Variants in KIAA1217 observed in about 807,000 individuals in gnomAD.
KIAA1217 encodes KIAA1217, also known as sickle tail protein homolog.
KIAA1217 carries 88 observed loss-of-function variants against 163.9 expected under a neutral mutation model. The observed-to-expected ratio is 0.54, with a 90% CI of 0.45 to 0.64. The LOEUF (loss-of-function observed/expected upper bound fraction) is 0.64. KIAA1217 is among the 30% of genes least tolerant of loss of function. The probability of loss-of-function intolerance (pLI) is 0.00; values close to 1 mark genes in which losing one functional copy is unlikely to be tolerated. For synonymous variants in KIAA1217, 903 were observed against 923.1 expected (o/e 0.98, Z 0.39); for missense variants, 2,372 against 2,475.0 (o/e 0.96, Z 0.88).
At chr10:24,487,654 T>C (rs2065584438) in intron 6 of KIAA1217, among the ~76,000 whole-genome samples, 1 of 147,910 alleles carries the variant, frequency 6.8e-6, no homozygotes, top group South Asian at 2.2e-4. Flanking sequence ...CTGTTTTTTT[T>C]ACAGGTATCC....
intron 1 of KIAA1217, among the ~76,000 whole-genome samples, chr10:23,888,617 T>C (rs1841286803): frequency 6.6e-6 from 1 of 151,906 alleles, no homozygotes; most frequent in African/African-American, 2.4e-5. Flanking sequence ...TAAAGTAGAA[T>C]AAATGGTTTT....
intron 1 of KIAA1217, among the ~76,000 whole-genome samples, chr10:23,967,899 A>G (rs61849193): frequency 2.7e-4 from 39 of 143,936 alleles, no homozygotes; most frequent in Non-Finnish European, 5.2e-4. Flanking sequence ...AATATATTAA[A>G]TGTGTGTGTG....
At chr10:23,945,533 T>C (rs1328868066) in intron 1 of KIAA1217, among the ~76,000 whole-genome samples, 11 of 152,168 alleles carry the variant, frequency 7.2e-5, no homozygotes, top group Admixed American at 2.0e-4. Flanking sequence ...CTGTTTCAAT[T>C]GTAGTGGCGG....
chr10:24,128,305 A>G (rs565931603), intron 2 of KIAA1217, among the ~76,000 whole-genome samples: 77 of 152,154 alleles, frequency 5.1e-4, no homozygotes, highest in Non-Finnish European at 9.6e-4. Flanking sequence ...TTGCAGGAGG[A>G]GGATGCAAGG....
chr10:23,938,563 TATATAATACAGC>T (rs1179317486), intron 1 of KIAA1217, among the ~76,000 whole-genome samples: 1 of 152,208 alleles, frequency 6.6e-6, no homozygotes, highest in Non-Finnish European at 1.5e-5. Flanking sequence ...TATTACTTTG[TATATAATACAGC>T]ATACAACTAT....
intron 1 of KIAA1217, among the ~76,000 whole-genome samples, chr10:23,758,159 T>C (rs1834017333): frequency 6.6e-6 from 1 of 152,204 alleles, no homozygotes; most frequent in African/African-American, 2.4e-5. Context: ...TTTTGCCTCA[T>C]GTTTTCTTCG....
intron 1 of KIAA1217, among the ~76,000 whole-genome samples, chr10:23,934,614 TATATATATA>T: frequency 1.2e-5 from 1 of 82,580 alleles, no homozygotes; most frequent in African/African-American, 1.1e-4. Context: ...TATGTATATA[TATATATATA>T]TATTTTTTTT....
intron 1 of KIAA1217, among the ~76,000 whole-genome samples, chr10:23,933,457 C>T (rs959987320): frequency 2.0e-5 from 3 of 152,150 alleles, no homozygotes; most frequent in African/African-American, 7.2e-5. Flanking sequence ...AATCATTGCA[C>T]TTACTTTTAA....
intron 2 of KIAA1217, among the ~76,000 whole-genome samples, chr10:24,021,437 G>A (rs1554841836): frequency 6.6e-6 from 1 of 151,614 alleles, no homozygotes; most frequent in Non-Finnish European, 1.5e-5. Flanking sequence ...AACTCAAAAA[G>A]AAATCAAAGA....
At chr10:23,884,035 G>A (rs1841068151) in intron 1 of KIAA1217, among the ~76,000 whole-genome samples, 1 of 151,916 alleles carries the variant, frequency 6.6e-6, no homozygotes, top group African/African-American at 2.4e-5. Flanking sequence ...TTGTTTCCAA[G>A]TTTTGGCAAT....
intron 1 of KIAA1217, among the ~76,000 whole-genome samples, chr10:23,790,008 TAC>T (rs1835682174): frequency 7.9e-6 from 1 of 126,148 alleles, no homozygotes; most frequent in Non-Finnish European, 1.6e-5. Context: ...CATATGCACA[TAC>T]ACATATACAC....
At chr10:24,157,496 G>T (rs1305718632) in intron 2 of KIAA1217, among the ~76,000 whole-genome samples, 1 of 152,136 alleles carries the variant, frequency 6.6e-6, no homozygotes, top group Non-Finnish European at 1.5e-5. Context: ...TTTACATTTT[G>T]ATGAAGTCAA....
intron 1 of KIAA1217, among the ~76,000 whole-genome samples, chr10:23,976,577 T>C (rs1378397803): frequency 1.3e-5 from 2 of 152,182 alleles, no homozygotes; most frequent in East Asian, 1.9e-4. Flanking sequence ...ACAGATTTAA[T>C]ATGTACCTCC....
chr10:23,886,076 G>C (rs1044385898), intron 1 of KIAA1217, among the ~76,000 whole-genome samples: 1 of 151,868 alleles, frequency 6.6e-6, no homozygotes, highest in Non-Finnish European at 1.5e-5. Flanking sequence ...GATTGTGTGG[G>C]TGATGCCTTC....
chr10:23,904,956 T>C (rs529446004), intron 1 of KIAA1217, among the ~76,000 whole-genome samples: 16 of 151,542 alleles, frequency 1.1e-4, no homozygotes, highest in Non-Finnish European at 2.2e-4. Flanking sequence ...TTCTAAATCT[T>C]CTTTTTTTTT....
chr10:24,174,326 A>T (rs959025542), intron 2 of KIAA1217, among the ~76,000 whole-genome samples: 1 of 152,224 alleles, frequency 6.6e-6, no homozygotes, highest in African/African-American at 2.4e-5. Flanking sequence ...TGTCCCAGGT[A>T]TCTCTGCACA....
At chr10:24,127,929 T>A (rs1024442036) in intron 2 of KIAA1217, among the ~76,000 whole-genome samples, 1 of 152,130 alleles carries the variant, frequency 6.6e-6, no homozygotes, top group Non-Finnish European at 1.5e-5. Flanking sequence ...TAAGACACAA[T>A]TGGAATAAAA....
chr10:24,193,245 C>T (rs578049445), intron 2 of KIAA1217, among the ~76,000 whole-genome samples: 3 of 152,322 alleles, frequency 2.0e-5, no homozygotes, highest in African/African-American at 7.2e-5. Flanking sequence ...TTATTAATGG[C>T]TAAAAAGCTC....
At chr10:23,874,143 C>G (rs556639555) in intron 1 of KIAA1217, among the ~76,000 whole-genome samples, 1 of 152,004 alleles carries the variant, frequency 6.6e-6, no homozygotes, top group Non-Finnish European at 1.5e-5. Flanking sequence ...TTTATCCTGA[C>G]ATTCACCCCT....
Sources: gnomAD v4.1 joint callset for allele counts (sites outside exome capture counted in the v4.1 genomes callset) on GRCh38, gnomAD v4.1.1 for gene constraint, MANE v1.5 for transcripts, NCBI Gene and HGNC (gene_info 2026-07-23, HGNC 2026-07-21) for gene names.